Variants in CCDC88A observed in about 807,000 individuals in gnomAD.
CCDC88A encodes the protein girdin.
CCDC88A carries 54 observed loss-of-function variants against 234.3 expected under a neutral mutation model. The ratio of observed to expected loss-of-function variants is 0.23; its 90% confidence interval spans 0.19 to 0.29. CCDC88A has a LOEUF of 0.29. CCDC88A is among the 10% of genes least tolerant of loss of function. The pLI, the probability that CCDC88A is intolerant of heterozygous loss-of-function variation, is 1.00. For missense variants in CCDC88A, 1,832 were observed against 2,123.4 expected (o/e 0.86, Z 2.70); for synonymous variants, 753 against 737.8 (o/e 1.02, Z -0.33).
chr2:55,338,817 G>A (rs1369897950), intron 13 of CCDC88A, among the ~76,000 whole-genome samples: 1 of 152,162 alleles, frequency 6.6e-6, no homozygotes, highest in Non-Finnish European at 1.5e-5. Flanking sequence ...GCAGTGGATT[G>A]AAACAATACA....
intron 18 of CCDC88A, among the ~76,000 whole-genome samples, chr2:55,322,144 C>T (rs926971628): frequency 1.3e-5 from 2 of 152,058 alleles, no homozygotes; most frequent in Non-Finnish European, 1.5e-5. Flanking sequence ...AAAAGAAAGA[C>T]GAATTACCTG....
Position 55,388,793 on chromosome 2 carries a change from T to C in CCDC88A, c.258A>G (p.Ile86Met). ...MHNLSILVRQ[I>M]KFYYQETLQQ... The stretch of plus-strand genomic sequence containing the variant: ...GAGCACTTACCTGGTAATAAAATTT[T>C]ATCTGTCTCACCAAAATGGATAGAT... The change falls in exon 3 of 33, where the codon ATA becomes ATG. Residue 86 changes from isoleucine to methionine, a missense_variant. Ile to Met is a conservative substitution (Grantham distance 10, BLOSUM62 1). This residue lies in a region of CCDC88A where 84 missense variants were observed against 80.9 expected (regional missense o/e 1.04). Transcript: ENST00000436346. The C allele has an allele frequency of 7.0e-7, 1 of 1,432,226 alleles. No homozygotes were observed. 88.7% of individuals were successfully genotyped at this position (1,432,226 alleles called of 1,614,324 possible). A position where few individuals can be genotyped will look rare whatever the true frequency, so the allele number is the denominator to read the frequency against.
chr2:55,394,645 C>A (rs1677206211), intron 2 of CCDC88A: 1 of 108,116 alleles, frequency 9.2e-6, no homozygotes, highest in Non-Finnish European at 1.7e-5. Context: ...ACATCACACA[C>A]TGGGGACTGT....
At chr2:55,393,301 T>TTTTG (rs1369166620) in intron 2 of CCDC88A, among the ~76,000 whole-genome samples, 1 of 133,256 alleles carries the variant, frequency 7.5e-6, no homozygotes, top group African/African-American at 2.8e-5. Flanking sequence ...TTTTTTTTTT[T>TTTTG]TTTTTTTTTT....
At chr2:55,400,554 A>G (rs965796178) in intron 2 of CCDC88A, among the ~76,000 whole-genome samples, 5 of 152,256 alleles carry the variant, frequency 3.3e-5, no homozygotes, top group Non-Finnish European at 7.3e-5. Context: ...AACGGACAGT[A>G]GTATTATCAA....
intron 23 of CCDC88A, among the ~76,000 whole-genome samples, chr2:55,310,015 T>TA (rs1682137731): frequency 6.6e-6 from 1 of 151,976 alleles, no homozygotes; most frequent in African/African-American, 2.4e-5. Flanking sequence ...GATCACGAAA[T>TA]AAAGCCCCAT....
chr2:55,388,983 AAATT>A (rs1676154942), intron 2 of CCDC88A, 97 bp from the exon 3 acceptor site: 1 of 336,994 alleles, frequency 3.0e-6, no homozygotes, highest in Non-Finnish European at 5.3e-6. Context: ...TTATTTAAAT[AAATT>A]GTGTGCTCAT....
At chr2:55,302,902 A>G in intron 26 of CCDC88A, 167 bp downstream of exon 26, 1 of 557,054 alleles carries the variant, frequency 1.8e-6, no homozygotes, top group Admixed American at 3.0e-5. Context: ...CATAATGCAA[A>G]TTCAGTGCCA....
At chr2:55,322,200 A>G (rs1233445234) in intron 18 of CCDC88A, among the ~76,000 whole-genome samples, 1 of 152,228 alleles carries the variant, frequency 6.6e-6, no homozygotes, top group Non-Finnish European at 1.5e-5. Flanking sequence ...GAAAAGTGCT[A>G]TGAAAAAACT....
intron 29 of CCDC88A, chr2:55,297,164 C>T (rs1193257038): frequency 1.4e-5 from 2 of 146,994 alleles, no homozygotes; most frequent in African/African-American, 2.5e-5. Context: ...TGGCCTGAGA[C>T]TCTGTCTCAA....
At chr2:55,377,928 A>G (rs1000781013) in intron 3 of CCDC88A, among the ~76,000 whole-genome samples, 2 of 152,218 alleles carry the variant, frequency 1.3e-5, no homozygotes, top group Non-Finnish European at 2.9e-5. Flanking sequence ...ATTTTAACAG[A>G]CACTGAATTT....
Position 55,317,105 on chromosome 2 carries a change from G to C in CCDC88A, c.3746+101C>G. ...CAAAGGGGCAGTATATAGTTTGGAT[G>C]TAAGAAATAATACATAATTTTGAAA... On this transcript the variant is annotated intron_variant, in intron 21 of 32. Transcript: ENST00000436346. The surrounding 1 kb of genome is among the most constrained non-coding windows in gnomAD (Gnocchi z 4.2). The C allele has an allele frequency of 7.3e-6, 3 of 408,768 alleles. No individual in the cohort carries two copies. Among genetic ancestry groups the C allele is most frequent in the Non-Finnish European group, 1.2e-5 (3 of 255,506 alleles). 25.3% of individuals were successfully genotyped at this position (408,768 alleles called of 1,614,324 possible). A position where few individuals can be genotyped will look rare whatever the true frequency, so the allele number is the denominator to read the frequency against.
chr2:55,342,812 G>A lies in CCDC88A; in HGVS notation c.1333+836C>T, dbSNP rs192642894. Among the ~76,000 whole-genome samples the A allele has an allele frequency of 8.5e-5, 13 of 152,164 alleles. No individual in the cohort carries two copies. In the South Asian group the frequency reaches 1.0e-3, roughly 12 times the overall value. The stretch of plus-strand genomic sequence containing the variant: ...TAAAATCTCAAGAGTTTATGTCTAC[G>A]TCAACATTATGTCCTTGGTGTCTGG... On this transcript the variant is annotated intron_variant, in intron 12 of 32. Transcript: ENST00000436346.
intron 23 of CCDC88A, among the ~76,000 whole-genome samples, chr2:55,310,447 C>T (rs1682206070): frequency 6.6e-6 from 1 of 151,932 alleles, no homozygotes; most frequent in African/African-American, 2.4e-5. Flanking sequence ...CAGCATGCCG[C>T]AGCATTTGCC....
rs974836601 is a variant in CCDC88A, at chr2:55,409,721, T to C, written c.164+9095A>G. Among the ~76,000 whole-genome samples, 78 of 140,444 alleles carry C rather than the reference T, an allele frequency of 5.6e-4. 1 individual carries two copies. Among genetic ancestry groups the C allele is most frequent in the South Asian group, 2.4e-4 (1 of 4,238 alleles). The allele number at this position is 140,444 out of a possible 152,430, so 92.1% of individuals were successfully genotyped here. A position where few individuals can be genotyped will look rare whatever the true frequency, so the allele number is the denominator to read the frequency against. On this transcript the variant is annotated intron_variant, in intron 2 of 32. Coordinates refer to ENST00000436346, the MANE Select transcript of CCDC88A (RefSeq NM_001365480.1). The stretch of plus-strand genomic sequence containing the variant: ...AGAGGAGTCCATGTAAACAGGGGGA[T>C]GTGCCTATATACCTCCCTTTTTTTT...
intron 13 of CCDC88A, chr2:55,338,964 T>C (rs1668128972): frequency 6.6e-6 from 1 of 152,178 alleles, no homozygotes; most frequent in Non-Finnish European, 1.5e-5. Context: ...ATTCTTTTTT[T>C]TTTTTTTTGA....
intron 3 of CCDC88A, among the ~76,000 whole-genome samples, chr2:55,382,637 A>C (rs1233143654): frequency 6.6e-6 from 1 of 152,202 alleles, no homozygotes; most frequent in Non-Finnish European, 1.5e-5. Flanking sequence ...GTAATTTTAC[A>C]TAACAGCTAT....
chr2:55,384,588 TA>T (rs1675218704), intron 3 of CCDC88A, among the ~76,000 whole-genome samples: 1 of 3,430 alleles, frequency 2.9e-4, no homozygotes, highest in Non-Finnish European at 1.3e-3. Flanking sequence ...TGTGTATATA[TA>T]CACATATATA....
intron 31 of CCDC88A, chr2:55,295,057 G>A: frequency 1.6e-6 from 2 of 1,279,958 alleles, no homozygotes; most frequent in Non-Finnish European, 2.0e-6. Flanking sequence ...ATATTGTGCA[G>A]TTTTGATCAT....
Sources: gnomAD v4.1 joint callset for allele counts (sites outside exome capture counted in the v4.1 genomes callset) on GRCh38, gnomAD v4.1.1 for gene constraint, gnomAD v4.1.1 regional missense constraint, Gnocchi (gnomAD v3.1) non-coding constraint, MANE v1.5 for transcripts, NCBI Gene and HGNC (gene_info 2026-07-23, HGNC 2026-07-21) for gene names.